PCDH15: variants seen among roughly 807,000 people sequenced by gnomAD.
PCDH15 encodes the protein protocadherin related 15, also known as protocadherin-15.
In PCDH15, 129 loss-of-function variants were observed where a neutral mutation model predicts 178.5. The ratio of observed to expected loss-of-function variants is 0.72; its 90% CI spans 0.63 to 0.84. The LOEUF is 0.84. Among genes scored for constraint, PCDH15 ranks in the 40% least tolerant of loss-of-function variants. The probability of loss-of-function intolerance (pLI) is 0.00; values close to 1 mark genes in which losing one functional copy is unlikely to be tolerated. For synonymous variants in PCDH15, 800 were observed against 732.0 expected (o/e 1.09, Z -1.50); for missense variants, 2,230 against 2,099.9 (o/e 1.06, Z -1.21).
At chr10:54,795,006 C>T (rs1261729296) in intron 1 of PCDH15, among the ~76,000 whole-genome samples, 1 of 151,632 alleles carries the variant, frequency 6.6e-6, no homozygotes, top group Non-Finnish European at 1.5e-5. Flanking sequence ...TCATAATCTG[C>T]CTTATAGCTA....
intron 2 of PCDH15, among the ~76,000 whole-genome samples, chr10:54,951,482 C>T (rs1257371858): frequency 6.6e-6 from 1 of 151,842 alleles, no homozygotes; most frequent in Non-Finnish European, 1.5e-5. Context: ...ATCTTGATTG[C>T]TTCTACATTT....
intron 1 of PCDH15, among the ~76,000 whole-genome samples, chr10:54,673,248 A>T (rs1465313507): frequency 6.9e-6 from 1 of 143,934 alleles, no homozygotes; most frequent in Non-Finnish European, 1.5e-5. Context: ...GACAGGCCCC[A>T]GTGTGTGATG....
chr10:54,122,039 AG>A (rs1393040927), intron 15 of PCDH15, among the ~76,000 whole-genome samples: 2 of 143,520 alleles, frequency 1.4e-5, no homozygotes, highest in Non-Finnish European at 3.0e-5. Flanking sequence ...ACACAGAGAC[AG>A]ACACACACAC....
chr10:55,614,975 C>A (rs1371105924), intron 2 of PCDH15, among the ~76,000 whole-genome samples: 1 of 152,112 alleles, frequency 6.6e-6, no homozygotes, highest in Non-Finnish European at 1.5e-5. Context: ...AAGCTCTCAA[C>A]ATTAATTTGG....
intron 2 of PCDH15, among the ~76,000 whole-genome samples, chr10:54,913,763 G>A (rs1954858109): frequency 6.6e-6 from 1 of 151,920 alleles, no homozygotes; most frequent in Non-Finnish European, 1.5e-5. Flanking sequence ...CCCACCCCTT[G>A]CATCAGTGTG....
rs924189481 is a variant in PCDH15 at position 54,833,666 on chromosome 10, C to T, written c.-29+63784G>A. 5.6e-4 allele frequency among the ~76,000 whole-genome samples: 85 copies of T among 152,176 alleles called. 1 individual carries two copies. The highest frequency in any genetic ancestry group is 1.9e-3 in the African/African-American group (77 of 41,470). On this transcript the variant is annotated intron_variant, in intron 3 of 5. Coordinates refer to the PCDH15 transcript ENST00000458638. ...GTTCCTAAAATCAGTCTCTCTCATT[C>T]TTGTTCTTGCTCTTGCTCTCCCCTG... is the stretch of plus-strand genomic sequence containing the variant.
intron 1 of PCDH15, among the ~76,000 whole-genome samples, chr10:55,194,040 C>T (rs1840015593): frequency 6.6e-6 from 1 of 152,024 alleles, no homozygotes; most frequent in African/African-American, 2.4e-5. Flanking sequence ...AAAACACACA[C>T]ACTCATATTT....
intron 21 of PCDH15, chr10:53,994,628 C>T (rs1490934254): frequency 2.0e-5 from 3 of 151,994 alleles, no homozygotes; most frequent in African/African-American, 7.2e-5. Flanking sequence ...GAAATTTTTG[C>T]CTATCATATA....
chr10:55,319,091 T>C (rs1457634991), intron 1 of PCDH15, among the ~76,000 whole-genome samples: 1 of 151,858 alleles, frequency 6.6e-6, no homozygotes, highest in Non-Finnish European at 1.5e-5. Context: ...ACGATTCCCC[T>C]ATGGAGTAGT....
chr10:54,450,460 T>A (rs2076412875), intron 3 of PCDH15, among the ~76,000 whole-genome samples: 1 of 151,734 alleles, frequency 6.6e-6, no homozygotes, highest in African/African-American at 2.4e-5. Context: ...GTTTGTCATT[T>A]AGCTCAACTT....
At chr10:55,017,691 A>C (rs1840216398) in intron 2 of PCDH15, among the ~76,000 whole-genome samples, 1 of 152,132 alleles carries the variant, frequency 6.6e-6, no homozygotes, top group South Asian at 2.1e-4. Context: ...TATTCAATAA[A>C]TTATTATCTA....
At chr10:54,209,180 T>A (rs1273489371) in intron 10 of PCDH15, among the ~76,000 whole-genome samples, 1 of 152,114 alleles carries the variant, frequency 6.6e-6, no homozygotes, top group Non-Finnish European at 1.5e-5. Context: ...ACACCTGTGA[T>A]CTTTCAACTT....
intron 2 of PCDH15, among the ~76,000 whole-genome samples, chr10:55,122,669 T>C (rs1017668589): frequency 1.3e-5 from 2 of 152,094 alleles, no homozygotes; most frequent in Non-Finnish European, 2.9e-5. Flanking sequence ...AAGAGAGATG[T>C]TGTGTGTTAA....
chr10:53,946,664 G>T (rs546589527), intron 23 of PCDH15, among the ~76,000 whole-genome samples: 62 of 152,240 alleles, frequency 4.1e-4, no homozygotes, highest in African/African-American at 1.5e-3. Flanking sequence ...ACTCCAAAAT[G>T]GTTTAAAGTA....
chr10:54,820,824 T>G (rs1049028317), intron 3 of PCDH15, among the ~76,000 whole-genome samples: 3 of 152,038 alleles, frequency 2.0e-5, no homozygotes, highest in African/African-American at 7.2e-5. Flanking sequence ...CCACCATTAA[T>G]GAATTATATT....
chr10:55,004,755 A>G (rs77781941), intron 2 of PCDH15, among the ~76,000 whole-genome samples: 3,211 of 152,194 alleles, frequency 0.021, 72 homozygotes, highest in East Asian at 0.073. Flanking sequence ...CACTCATCTT[A>G]ATGACTGGTT....
At chr10:55,100,156 T>C (rs950598347) in intron 2 of PCDH15, among the ~76,000 whole-genome samples, 1 of 152,126 alleles carries the variant, frequency 6.6e-6, no homozygotes, top group Non-Finnish European at 1.5e-5. Flanking sequence ...GCAAGAATTA[T>C]GTGATTTTAT....
At chr10:53,919,605 T>C (rs2083825000) in intron 25 of PCDH15, among the ~76,000 whole-genome samples, 1 of 152,238 alleles carries the variant, frequency 6.6e-6, no homozygotes, top group South Asian at 2.1e-4. Flanking sequence ...ATTACTCAAC[T>C]AGGAGAAGGC....
At chr10:53,998,828 G>T (rs1370914332) in intron 20 of PCDH15, among the ~76,000 whole-genome samples, 1 of 151,952 alleles carries the variant, frequency 6.6e-6, no homozygotes, top group East Asian at 1.9e-4. Context: ...GAGGTGGGCG[G>T]ATCACCCAAG....
Sources: gnomAD v4.1 joint callset for allele counts (sites outside exome capture counted in the v4.1 genomes callset) on GRCh38, gnomAD v4.1.1 for gene constraint, MANE v1.5 for transcripts, NCBI Gene and HGNC (gene_info 2026-07-23, HGNC 2026-07-21) for gene names.